Variants in HTR3D observed in about 807,000 individuals in gnomAD.
HTR3D encodes the protein 5-hydroxytryptamine receptor 3D.
A neutral mutation model predicts 45.8 loss-of-function variants in HTR3D; 47 were observed. The observed-to-expected ratio is 1.03, with a 90% CI of 0.81 to 1.31. The LOEUF is 1.31. HTR3D is among the 50% of genes most tolerant of loss of function. The probability of loss-of-function intolerance (pLI) is 0.00; values close to 1 mark genes in which losing one functional copy is unlikely to be tolerated. For synonymous variants in HTR3D, 203 were observed against 199.8 expected (o/e 1.02, Z -0.13); for missense variants, 448 against 506.9 (o/e 0.88, Z 1.12).
At chr3:184,034,963 T>G in intron 1 of HTR3D, 2 of 1,102,760 alleles carry the variant, frequency 1.8e-6, no homozygotes, top group Non-Finnish European at 2.5e-6. Context: ...TTTGGAATAC[T>G]TGTCAAAACA....
intron 1 of HTR3D, 45 bp downstream of exon 1, chr3:184,031,852 G>A (rs1360868237): frequency 1.5e-6 from 2 of 1,353,864 alleles, no homozygotes; most frequent in Non-Finnish European, 2.1e-6. Context: ...TGTAACTCCT[G>A]GGAAGCAGAG....
chr3:184,033,038 A>G (rs1722793532), intron 1 of HTR3D: 1 of 1,549,296 alleles, frequency 6.5e-7, no homozygotes, highest in Non-Finnish European at 8.7e-7. Flanking sequence ...CATCTCCTTC[A>G]CCTTGTCTGC....
intron 1 of HTR3D, among the ~76,000 whole-genome samples, chr3:184,032,647 G>C (rs1389893100): frequency 1.3e-5 from 2 of 152,126 alleles, no homozygotes; most frequent in East Asian, 3.9e-4. Context: ...GTGGCGGTCG[G>C]GGTTGAGTTT....
At chr3:184,035,118 G>A (rs1301375627) in intron 1 of HTR3D, 60 bp from the exon 2 acceptor site, 1 of 1,551,406 alleles carries the variant, frequency 6.4e-7, no homozygotes, top group African/African-American at 1.4e-5. Context: ...CAAGGAGAGG[G>A]TGGTGGCATG....
At position 184,036,467 on chromosome 3, in the gene HTR3D, C is replaced by A. The variant is rs145712666; in HGVS notation, c.290C>A (p.Ala97Glu). Reference sequence around the variant, plus strand: ...AGCCAATGTGGGTGGTCAGCATCTGCAAACTGGACACCTTCTATTTCCCCT... The same window carrying A: ...AGCCAATGTGGGTGGTCAGCATCTGAAAACTGGACACCTTCTATTTCCCCT... ...TISQCGWSASANWTPSISPSM... is the reference protein window; with the variant it reads ...TISQCGWSASENWTPSISPSM... The change falls in exon 4 of 8, where the codon GCA becomes GAA. Residue 97 changes from alanine (A) to glutamate (E), a missense_variant. Physicochemically the swap from Ala to Glu is moderately radical, Grantham distance 107. Coordinates refer to ENST00000428798, the MANE Select transcript of HTR3D (RefSeq NM_001145143.1). The A allele has an allele frequency of 1.0e-4, 169 of 1,614,196 alleles. No individual in the cohort carries two copies. Among genetic ancestry groups the A allele is most frequent in the South Asian group, 9.2e-4 (84 of 91,084 alleles).
intron 1 of HTR3D, among the ~76,000 whole-genome samples, chr3:184,033,363 A>G (rs564972694): frequency 6.6e-6 from 1 of 152,120 alleles, no homozygotes; most frequent in South Asian, 2.1e-4. Flanking sequence ...TTGGTCTCCC[A>G]AAGTTCTGGG....
In HTR3D at chr3:184,038,926, T is replaced by C. The variant is rs780013538; in HGVS notation, c.1166T>C (p.Leu389Pro). ...GCCCTGCTCTTCCGCCTCTACCTGC[T>C]CTTCATGGCCTCCTCCATCATCACC... The part of the protein sequence containing the change: ...MDALLFRLYL[L>P]FMASSIITVI... The change falls in exon 8 of 8, where the codon CTC becomes CCC. Residue 389 changes from leucine to proline, a missense_variant. By Grantham distance (98) the Leu-to-Pro change is moderately conservative (BLOSUM62 -3). Transcript: ENST00000428798. This position sits in a 1 kb window ranked among gnomAD's most constrained non-coding sequence, Gnocchi z 4.5. 1.9e-6 allele frequency: 3 copies of C among 1,614,148 alleles called. No individual in the cohort carries two copies. Among genetic ancestry groups the C allele is most frequent in the Non-Finnish European group, 2.5e-6 (3 of 1,180,026 alleles).
chr3:184,032,430 T>A (rs1279367927), intron 1 of HTR3D, among the ~76,000 whole-genome samples: 1 of 152,206 alleles, frequency 6.6e-6, no homozygotes, highest in Non-Finnish European at 1.5e-5. Flanking sequence ...CCCATATATC[T>A]CACACTACCT....
intron 1 of HTR3D, chr3:184,032,828 T>A: frequency 1.3e-6 from 2 of 1,549,838 alleles, no homozygotes. Context: ...CTGTTTTCTC[T>A]CCATGCAGAA....
chr3:184,036,424 G>A lies in HTR3D; in HGVS notation c.247G>A (p.Ala83Thr), dbSNP rs552917452. The A allele has an allele frequency of 6.2e-7, 1 of 1,614,190 alleles. No individual in the cohort carries two copies. Among genetic ancestry groups the A allele is most frequent in the African/African-American group, 1.3e-5 (1 of 75,042 alleles). ...GLMASMSIVK[A>T]TSNTISQCGW... ...CATGGCTAGTATGTCAATAGTGAAG[G>A]CCACATCAAACACAATAAGCCAATG... Residue 83 changes from alanine (A) to threonine (T), a missense_variant, in exon 4 of 8, where the codon GCC becomes ACC. By Grantham distance (58) the Ala-to-Thr change is moderately conservative. Transcript: ENST00000428798.
In HTR3D at chr3:184,035,127, T is replaced by C. The variant is rs1424088374; in HGVS notation, c.67-51T>C. 4 of 1,551,624 alleles carry C rather than the reference T, an allele frequency of 2.6e-6. No individual in the cohort carries two copies. In the East Asian group the frequency reaches 7.3e-5, roughly 28 times the overall value. ...AGTGAACAAGGAGAGGGTGGTGGCATGGGACCTGCCTTCCTGGAGTTAATC... is the reference window on the plus strand; with the variant it reads ...AGTGAACAAGGAGAGGGTGGTGGCACGGGACCTGCCTTCCTGGAGTTAATC... On this transcript the variant is annotated intron_variant, in intron 1 of 7. Coordinates refer to ENST00000428798, the MANE Select transcript of HTR3D (RefSeq NM_001145143.1).
intron 2 of HTR3D, 29 bp from the exon 3 acceptor site, chr3:184,035,985 GC>G: frequency 6.5e-7 from 1 of 1,548,282 alleles, no homozygotes; most frequent in Non-Finnish European, 8.7e-7. Context: ...AAGCCACCAT[GC>G]CCGGCCTTGG....
At chr3:184,032,751 G>T in intron 1 of HTR3D, 1 of 1,020,316 alleles carries the variant, frequency 9.8e-7, no homozygotes, top group Non-Finnish European at 1.5e-6. Flanking sequence ...TCCACCATTT[G>T]CCTACCAGCT....
intron 1 of HTR3D, among the ~76,000 whole-genome samples, chr3:184,034,425 G>A (rs1029696151): frequency 6.6e-6 from 1 of 152,124 alleles, no homozygotes; most frequent in East Asian, 1.9e-4. Context: ...TTGGAGAGAG[G>A]GTGAAATAGG....
Position 184,038,568 on chromosome 3 carries a change from C to G in HTR3D, c.929C>G (p.Pro310Arg), listed in dbSNP as rs201454193. The G allele has an allele frequency of 3.1e-6, 5 of 1,613,964 alleles. No homozygotes were observed. Reference sequence around the variant, plus strand: ...TGCACCGGCCAAGGGAGATGCTGTCCCACTGCGCCCCAGAAGGGAAATAAG... The same window carrying G: ...TGCACCGGCCAAGGGAGATGCTGTCGCACTGCGCCCCAGAAGGGAAATAAG... Reference protein sequence around the residue: ...LHCTGQGRCCPTAPQKGNKGP... With the variant: ...LHCTGQGRCCRTAPQKGNKGP... The change falls in exon 7 of 8, where the codon CCC (proline) becomes CGC (arginine). Residue 310 changes from proline to arginine, a missense_variant. Transcript: ENST00000428798. The surrounding 1 kb of genome is among the most constrained non-coding windows in gnomAD (Gnocchi z 4.5).
At position 184,038,125 on chromosome 3, in the gene HTR3D, G is replaced by A. The variant is rs1722961477; in HGVS notation, c.621G>A (p.Leu207=). 1 of 1,614,126 alleles carries A rather than the reference G, an allele frequency of 6.2e-7. No individual in the cohort carries two copies. The highest frequency in any genetic ancestry group is 8.5e-7 in the Non-Finnish European group (1 of 1,180,030). ...AIDALSFYLP[L]ESGNCAPFKM... ...ATGCCCTCAGTTTCTACCTGCCACT[G>A]GAAAGTGGGAATTGTGCCCCATTCA... The change falls in exon 6 of 8, where the codon CTG becomes CTA. Residue 207 remains leucine (L), a synonymous_variant. Transcript: ENST00000428798. This position sits in a 1 kb window ranked among gnomAD's most constrained non-coding sequence, Gnocchi z 4.5.
chr3:184,039,072 C>T lies in HTR3D; in HGVS notation c.*97C>T, dbSNP rs374734485. ...CAGTCAGCCTTGTGGCCCTGTCAACCGCCTCATTTTTAACCCAGTCCTCTG... is the reference window on the plus strand; with the variant it reads ...CAGTCAGCCTTGTGGCCCTGTCAACTGCCTCATTTTTAACCCAGTCCTCTG... On this transcript the variant is annotated 3_prime_UTR_variant, in exon 8 of 8. Transcript: ENST00000428798. The T allele has an allele frequency of 1.3e-4, 131 of 975,930 alleles. No individual in the cohort carries two copies. Among genetic ancestry groups the T allele is most frequent in the South Asian group, 5.1e-4 (33 of 64,904 alleles). 60.5% of individuals were successfully genotyped at this position (975,930 alleles called of 1,614,324 possible).
intron 4 of HTR3D, 53 bp downstream of exon 4, chr3:184,036,597 G>A (rs1722904384): frequency 1.7e-5 from 28 of 1,606,544 alleles, no homozygotes; most frequent in Non-Finnish European, 1.9e-5. Context: ...CTTTGAGTGA[G>A]AAGAGGACAG....
chr3:184,036,530 C>G lies in HTR3D; in HGVS notation c.353C>G (p.Ser118Ter). Residue 118 changes from serine (S) to a stop codon, truncating the protein, a stop_gained, in exon 4 of 8, where the codon TCA becomes TGA. Coordinates refer to ENST00000428798, the MANE Select transcript of HTR3D (RefSeq NM_001145143.1). LOFTEE classifies it high-confidence loss of function. ...GGTGAACGCTCTCCTTCAGCCCTTT[C>G]ACCTACACAGGTAAGTGGGGCTCAC... is the stretch of plus-strand genomic sequence containing the variant. ...DRGERSPSAL[S>*]PTQVTRAWRR... The G allele has an allele frequency of 6.2e-7, 1 of 1,614,180 alleles. No individual in the cohort carries two copies. The highest frequency in any genetic ancestry group is 8.5e-7 in the Non-Finnish European group (1 of 1,180,032).
Sources: allele counts gnomAD v4.1 joint callset (sites outside exome capture counted in the v4.1 genomes callset), GRCh38; gene constraint gnomAD v4.1.1; non-coding constraint Gnocchi (gnomAD v3.1); transcripts MANE v1.5; gene names NCBI Gene and HGNC (gene_info 2026-07-23, HGNC 2026-07-21).